The following DROSHA variants were observed in gnomAD, a reference collection of about 807,000 sequenced individuals.
DROSHA encodes the protein drosha ribonuclease III.
DROSHA carries 56 observed loss-of-function variants against 181.9 expected under a neutral mutation model. That is an observed-to-expected ratio of 0.31 (90% CI 0.25 to 0.38). The LOEUF is 0.38. Among genes scored for constraint, DROSHA ranks in the 10% least tolerant of loss-of-function variants. The pLI, the probability that DROSHA is intolerant of heterozygous loss-of-function variation, is 1.00. For synonymous variants in DROSHA, 524 were observed against 591.2 expected, an observed-to-expected ratio of 0.89 and a Z score of 1.65; for missense variants, 1,218 against 1,743.5, an observed-to-expected ratio of 0.70 and a Z score of 5.37.
intron 30 of DROSHA, among the ~76,000 whole-genome samples, chr5:31,414,169 G>A (rs1041304239): frequency 2.0e-5 from 3 of 152,126 alleles, no homozygotes; most frequent in Non-Finnish European, 4.4e-5. Flanking sequence ...GTAGGGGAAG[G>A]GGAATCCCAA....
Position 31,409,192 on chromosome 5 carries a change from G to C in DROSHA, c.3751-33C>G. ...AGTCCCCCAAAACTATTTAGTAATGGGTTCTGGAATCACCAAACATAAAGC... is the reference window on the plus strand; with the variant it reads ...AGTCCCCCAAAACTATTTAGTAATGCGTTCTGGAATCACCAAACATAAAGC... On this transcript the variant is annotated intron_variant, in intron 32 of 35. Transcript: ENST00000344624. The surrounding 1 kb of genome is among the most constrained non-coding windows in gnomAD (Gnocchi z 4.0). 6.2e-7 allele frequency: 1 copy of C among 1,610,302 alleles called. No individual in the cohort carries two copies.
At chr5:31,475,531 A>C (rs762358653) in intron 16 of DROSHA, among the ~76,000 whole-genome samples, 5 of 152,184 alleles carry the variant, frequency 3.3e-5, no homozygotes, top group Non-Finnish European at 5.9e-5. Flanking sequence ...TTGTCTATAC[A>C]CTTCACATGC....
chr5:31,424,617 T>A, intron 27 of DROSHA, 146 bp from the exon 28 acceptor site: 3 of 755,946 alleles, frequency 4.0e-6, no homozygotes, highest in Non-Finnish European at 5.7e-6. Flanking sequence ...GGCAAACTAA[T>A]TTTTTTTTTA....
chr5:31,431,773 G>C (rs1744208131), intron 25 of DROSHA, 95 bp from the exon 26 acceptor site: 6 of 1,081,226 alleles, frequency 5.5e-6, no homozygotes, highest in Non-Finnish European at 8.4e-6. Context: ...GTGCGGAGAC[G>C]AGATGGGGGC....
chr5:31,486,040 G>C (rs1404001163), intron 14 of DROSHA, among the ~76,000 whole-genome samples: 1 of 152,106 alleles, frequency 6.6e-6, no homozygotes, highest in Non-Finnish European at 1.5e-5. Context: ...ATCTGCTGTT[G>C]AGCACTCGCA....
intron 13 of DROSHA, among the ~76,000 whole-genome samples, chr5:31,487,085 C>A (rs190812549): frequency 1.1e-4 from 17 of 152,188 alleles, no homozygotes; most frequent in Admixed American, 7.2e-4. Context: ...ATAATAATAG[C>A]TAACATTTTT....
At chr5:31,406,976 GGT>G in intron 33 of DROSHA, 31 bp from the exon 34 acceptor site, 1 of 1,590,334 alleles carries the variant, frequency 6.3e-7, no homozygotes. Context: ...CATTTATTAT[GGT>G]AAAGTGTTAT....
At chr5:31,408,959 A>C (rs1740980588) in intron 33 of DROSHA, 97 bp downstream of exon 33, 10 of 1,159,820 alleles carry the variant, frequency 8.6e-6, no homozygotes, top group Non-Finnish European at 1.2e-5. Flanking sequence ...GGCTCCTGTC[A>C]TGATCACCCC....
At chr5:31,447,301 G>A (rs1746427638) in intron 23 of DROSHA, among the ~76,000 whole-genome samples, 1 of 152,066 alleles carries the variant, frequency 6.6e-6, no homozygotes, top group South Asian at 2.1e-4. Context: ...TTAATACTTG[G>A]GTGATAAAAA....
chr5:31,417,176 C>G (rs1310349281), intron 30 of DROSHA, among the ~76,000 whole-genome samples: 1 of 152,036 alleles, frequency 6.6e-6, no homozygotes, highest in Non-Finnish European at 1.5e-5. Flanking sequence ...AGGAGGTGAG[C>G]GATTTGGCCG....
rs761941125 is a variant in DROSHA, at chr5:31,472,208, A to G, written c.2096T>C (p.Met699Thr). Residue 699 changes from methionine (M) to threonine (T), a missense_variant, in exon 17 of 36, where the codon ATG (methionine) becomes ACG (threonine). Transcript: ENST00000344624. ...TAACAAGTACAGGAGAATCTGGTGC[A>G]TGGACAGCACTTCCTTTCCTCCATC... ...LPDGGKEVLS[M>T]HQILLYLLRC... is the part of the protein sequence containing the mutation. 5 of 1,610,804 alleles carry G rather than the reference A, an allele frequency of 3.1e-6. No individual in the cohort carries two copies. The African/African-American group carries it at 5.3e-5, about 17-fold the overall frequency.
chr5:31,486,432 T>C (rs568899023), intron 14 of DROSHA, 59 bp downstream of exon 14: 15 of 1,540,690 alleles, frequency 9.7e-6, no homozygotes, highest in Non-Finnish European at 1.3e-5. Context: ...TTTAAAATAG[T>C]AGTATGGAAC....
At chr5:31,462,610 G>T (rs1178620974) in intron 20 of DROSHA, among the ~76,000 whole-genome samples, 1 of 139,484 alleles carries the variant, frequency 7.2e-6, no homozygotes, top group East Asian at 2.1e-4. Flanking sequence ...TACTGGAACA[G>T]ATAATTCAGC....
At chr5:31,415,963 A>T (rs1174861748) in intron 30 of DROSHA, among the ~76,000 whole-genome samples, 1 of 152,236 alleles carries the variant, frequency 6.6e-6, no homozygotes, top group Non-Finnish European at 1.5e-5. Flanking sequence ...GTTATCCTAG[A>T]ACAATTGGAT....
Position 31,483,521 on chromosome 5 carries a change from C to G in DROSHA, c.2071+33G>C, listed in dbSNP as rs1326772807. The G allele has an allele frequency of 3.1e-6, 5 of 1,604,086 alleles. No individual in the cohort carries two copies. In the African/African-American group the frequency reaches 5.4e-5, roughly 17 times the overall value. On this transcript the variant is annotated intron_variant, in intron 16 of 35. Transcript: ENST00000344624. The stretch of plus-strand genomic sequence containing the variant: ...GCAAGCTTATTTTCAGATGCACTAT[C>G]TCACCAGGTCACTGACAAGCCAGAA...
At chr5:31,444,023 A>C (rs143214878) in intron 23 of DROSHA, among the ~76,000 whole-genome samples, 129 of 152,354 alleles carry the variant, frequency 8.5e-4, no homozygotes, top group Non-Finnish European at 1.6e-3. Flanking sequence ...CATAAGAACA[A>C]GAATACGTTC....
intron 23 of DROSHA, among the ~76,000 whole-genome samples, chr5:31,438,415 C>T (rs1037188552): frequency 6.6e-6 from 1 of 152,096 alleles, no homozygotes; most frequent in African/African-American, 2.4e-5. Flanking sequence ...ATTTGGGATG[C>T]ATTTTGGAGA....
chr5:31,502,441 G>T (rs969074478), intron 11 of DROSHA, among the ~76,000 whole-genome samples: 1 of 152,142 alleles, frequency 6.6e-6, no homozygotes, highest in African/African-American at 2.4e-5. Context: ...GTGCTACTGG[G>T]CCCTGATAGA....
In DROSHA at chr5:31,470,700, C is replaced by A. The variant is rs1454286575; in HGVS notation, c.2241+1363G>T. ...TAGCTATATCCTTAAGCCAGGGTAT[C>A]CTTAAGTTTTTTTTTAAACTCTCCA... On this transcript the variant is annotated intron_variant, in intron 17 of 35. Coordinates refer to ENST00000344624, the MANE Select transcript of DROSHA (RefSeq NM_001382508.1). This position sits in a 1 kb window ranked among gnomAD's most constrained non-coding sequence, Gnocchi z 4.0. Among the ~76,000 whole-genome samples, 1 of 151,910 alleles carries A rather than the reference C, an allele frequency of 6.6e-6. No homozygotes were observed. The highest frequency in any genetic ancestry group is 2.4e-5 in the African/African-American group (1 of 41,324).
Sources: gnomAD v4.1 joint callset for allele counts (sites outside exome capture counted in the v4.1 genomes callset) on GRCh38, gnomAD v4.1.1 for gene constraint, Gnocchi (gnomAD v3.1) non-coding constraint, MANE v1.5 for transcripts, NCBI Gene and HGNC (gene_info 2026-07-23, HGNC 2026-07-21) for gene names.